ACSL3: variants seen among roughly 807,000 people sequenced by gnomAD.
ACSL3 encodes the protein acyl-CoA synthetase long chain family member 3.
In ACSL3, 34 loss-of-function variants were observed where a neutral mutation model predicts 84.7. The observed-to-expected ratio is 0.40, with a 90% CI of 0.31 to 0.53. ACSL3 has a LOEUF of 0.53. Ranked by LOEUF, ACSL3 falls within the 20% of genes least tolerant of loss-of-function variation. The pLI, the probability that ACSL3 is intolerant of heterozygous loss-of-function variation, is 0.48. For synonymous variants in ACSL3, 315 were observed against 299.4 expected (o/e 1.05, Z -0.54); for missense variants, 680 against 873.1 (o/e 0.78, Z 2.79).
At chr2:222,880,707 G>A (rs1695570070) in intron 1 of ACSL3, among the ~76,000 whole-genome samples, 1 of 151,760 alleles carries the variant, frequency 6.6e-6, no homozygotes, top group Admixed American at 6.6e-5. Flanking sequence ...GTGGGTGCCT[G>A]GAGTCCCAGC....
chr2:222,924,954 A>C (rs1377300947), intron 11 of ACSL3, among the ~76,000 whole-genome samples: 1 of 151,498 alleles, frequency 6.6e-6, no homozygotes, highest in Non-Finnish European at 1.5e-5. Flanking sequence ...CGAACCCAGG[A>C]GGCGGAGCTT....
At chr2:222,934,744 G>T in intron 16 of ACSL3, 57 bp downstream of exon 16, 1 of 1,550,094 alleles carries the variant, frequency 6.5e-7, no homozygotes, top group Non-Finnish European at 8.7e-7. Context: ...GTACTTACAT[G>T]CATTCAACCT....
chr2:222,914,582 A>C (rs1696528153), intron 4 of ACSL3, among the ~76,000 whole-genome samples: 1 of 152,154 alleles, frequency 6.6e-6, no homozygotes, highest in Non-Finnish European at 1.5e-5. Flanking sequence ...ATTTGAATAG[A>C]GAGAAGGTTT....
At chr2:222,861,552 A>T (rs1695008894) in intron 1 of ACSL3, 1 of 152,186 alleles carries the variant, frequency 6.6e-6, no homozygotes, top group Non-Finnish European at 1.5e-5. Flanking sequence ...CTGACCAGGC[A>T]GGGAGGATGC....
At chr2:222,924,195 T>G (rs1696815228) in intron 10 of ACSL3, among the ~76,000 whole-genome samples, 1 of 152,244 alleles carries the variant, frequency 6.6e-6, no homozygotes, top group Admixed American at 6.5e-5. Flanking sequence ...TCTAGATATA[T>G]TTCTGCTTTT....
At chr2:222,918,245 T>C in intron 6 of ACSL3, 90 bp downstream of exon 6, 1 of 702,702 alleles carries the variant, frequency 1.4e-6, no homozygotes, top group South Asian at 2.4e-5. Context: ...CTTTTATGAC[T>C]TTTAAGTCCT....
At chr2:222,897,939 A>AGGGGGG (rs1257603416) in intron 2 of ACSL3, among the ~76,000 whole-genome samples, 1 of 274 alleles carries the variant, frequency 3.6e-3, no homozygotes, top group Non-Finnish European at 4.3e-3. Flanking sequence ...GGGGAGGGGG[A>AGGGGGG]GGGGGAGGGG....
At chr2:222,888,426 C>T (rs1185975226) in intron 2 of ACSL3, among the ~76,000 whole-genome samples, 7 of 152,050 alleles carry the variant, frequency 4.6e-5, no homozygotes, top group African/African-American at 1.7e-4. Flanking sequence ...AGGTTTTTAG[C>T]GTTCTGTGAA....
At chr2:222,934,309 A>G (rs1022741856) in intron 15 of ACSL3, among the ~76,000 whole-genome samples, 1 of 152,214 alleles carries the variant, frequency 6.6e-6, no homozygotes, top group Non-Finnish European at 1.5e-5. Context: ...GAAATGTCAG[A>G]TTGAAGTTTA....
chr2:222,878,428 G>A (rs1695509310), intron 1 of ACSL3, among the ~76,000 whole-genome samples: 1 of 152,196 alleles, frequency 6.6e-6, no homozygotes, highest in Non-Finnish European at 1.5e-5. Context: ...TAATGTCATT[G>A]CTGCTTATCG....
Position 222,908,619 on chromosome 2 carries a change from G to T in ACSL3, c.-40-114G>T, listed in dbSNP as rs1200020652. ...AATATCAAGACATTGTAGGGGACCA[G>T]TGTGGTAGCTGCTGCCTGATAGAAA... On this transcript the variant is annotated intron_variant, in intron 3 of 16. Coordinates refer to ENST00000357430, the MANE Select transcript of ACSL3 (RefSeq NM_004457.5). The T allele has an allele frequency of 8.0e-6, 5 of 624,740 alleles. No individual in the cohort carries two copies. In the African/African-American group the frequency reaches 9.6e-5, roughly 12 times the overall value. 38.7% of individuals were successfully genotyped at this position (624,740 alleles called of 1,614,324 possible).
At position 222,928,448 on chromosome 2, in the gene ACSL3, G is replaced by A. The variant is rs1455517609; in HGVS notation, c.1466-414G>A. ...GGATTTCAAACTCAAGAACCAGGCA[G>A]CTACCTATTTAAATGAGTCAAGTGG... On this transcript the variant is annotated intron_variant, in intron 12 of 16. Coordinates refer to ENST00000357430, the MANE Select transcript of ACSL3 (RefSeq NM_004457.5). Among the ~76,000 whole-genome samples the A allele has an allele frequency of 2.6e-5, 4 of 152,150 alleles. No homozygotes were observed. In the East Asian group the frequency reaches 7.7e-4, roughly 29 times the overall value.
chr2:222,867,019 G>C (rs1695167781), intron 1 of ACSL3, among the ~76,000 whole-genome samples: 1 of 151,896 alleles, frequency 6.6e-6, no homozygotes, highest in Non-Finnish European at 1.5e-5. Flanking sequence ...ATTTTTGGTA[G>C]AGATGGGGTT....
rs3219912 is a variant in ACSL3 at position 222,865,794 on chromosome 2, CTGTGTG to C, written c.-207+4562_-207+4567del. 7.5e-3 allele frequency among the ~76,000 whole-genome samples: 1,129 copies of C among 149,856 alleles called. 9 individuals carry two copies. Among genetic ancestry groups the C allele is most frequent in the African/African-American group, 0.024 (967 of 40,854 alleles). On this transcript the variant is annotated intron_variant, in intron 1 of 16. Transcript: ENST00000357430. ...ATGTTTTACCTTGATTTTGGATCCT[CTGTGTG>C]TGTGTGTGTGTGTGTGTGTGTGTGT...
rs566961930 is a variant in ACSL3, at chr2:222,922,982, T to C, written c.1081-96T>C. 8 of 1,339,100 alleles carry C rather than the reference T, an allele frequency of 6.0e-6. No homozygotes were observed. The East Asian group carries it at 2.0e-4, about 33-fold the overall frequency. 83.0% of individuals were successfully genotyped at this position (1,339,100 alleles called of 1,614,324 possible). On this transcript the variant is annotated intron_variant, in intron 9 of 16. Transcript: ENST00000357430. Reference sequence around the variant, plus strand: ...AAGTGCTTCTTAGACTGTAAGTACATTAAAATAATTTATAATAGGCTTTTT... The same window carrying C: ...AAGTGCTTCTTAGACTGTAAGTACACTAAAATAATTTATAATAGGCTTTTT...
intron 1 of ACSL3, among the ~76,000 whole-genome samples, chr2:222,884,983 A>G (rs959139600): frequency 1.3e-5 from 2 of 152,122 alleles, no homozygotes; most frequent in South Asian, 2.1e-4. Context: ...CACTTCTCAT[A>G]GTTTTTGCCA....
At chr2:222,890,356 G>C (rs998610932) in intron 2 of ACSL3, among the ~76,000 whole-genome samples, 3 of 152,134 alleles carry the variant, frequency 2.0e-5, no homozygotes, top group Admixed American at 1.3e-4. Context: ...GGTAGACTTA[G>C]CTTGCAAAAT....
chr2:222,889,782 T>C (rs1465302920), intron 2 of ACSL3, among the ~76,000 whole-genome samples: 1 of 152,206 alleles, frequency 6.6e-6, no homozygotes, highest in Non-Finnish European at 1.5e-5. Context: ...TTCTGTGTCT[T>C]CTGTTTTTAA....
chr2:222,886,741 TA>T (rs1449868634), intron 1 of ACSL3, among the ~76,000 whole-genome samples: 1 of 152,206 alleles, frequency 6.6e-6, no homozygotes, highest in Non-Finnish European at 1.5e-5. Context: ...GGAAATACCT[TA>T]TTTTTTATAA....
Sources: gnomAD v4.1 joint callset for allele counts (sites outside exome capture counted in the v4.1 genomes callset) on GRCh38, gnomAD v4.1.1 for gene constraint, MANE v1.5 for transcripts, NCBI Gene and HGNC (gene_info 2026-07-23, HGNC 2026-07-21) for gene names.